Variants in PDE4D observed in about 807,000 individuals in gnomAD.
PDE4D encodes phosphodiesterase 4D.
PDE4D carries 24 observed loss-of-function variants against 87.4 expected under a neutral mutation model. The observed-to-expected ratio is 0.27, with a 90% CI of 0.20 to 0.39. The LOEUF (loss-of-function observed/expected upper bound fraction) is 0.39. Among genes scored for constraint, PDE4D ranks in the 10% least tolerant of loss-of-function variants. The pLI is 1.00. For missense variants in PDE4D, 714 were observed against 1,041.0 expected, an observed-to-expected ratio of 0.69 and a Z score of 4.32; for synonymous variants, 384 against 383.2, an observed-to-expected ratio of 1.00 and a Z score of -0.02.
chr5:59,813,477 C>A (rs1768603359), intron 1 of PDE4D, among the ~76,000 whole-genome samples: 1 of 141,394 alleles, frequency 7.1e-6, no homozygotes. Context: ...CACACACACA[C>A]ACACATATGC....
intron 1 of PDE4D, among the ~76,000 whole-genome samples, chr5:59,583,916 C>T (rs921588787): frequency 6.6e-6 from 1 of 152,236 alleles, no homozygotes; most frequent in East Asian, 1.9e-4. Context: ...CAGAGCCTTT[C>T]TAGAGATGAG....
At chr5:59,275,974 C>T in intron 1 of PDE4D, 2 of 985,132 alleles carry the variant, frequency 2.0e-6, no homozygotes, top group Non-Finnish European at 2.4e-6. Context: ...GATTTACCTG[C>T]GAAAGTAATT....
chr5:60,045,776 T>C (rs1582349189), intron 2 of PDE4D, among the ~76,000 whole-genome samples: 1 of 152,224 alleles, frequency 6.6e-6, no homozygotes, highest in Non-Finnish European at 1.5e-5. Context: ...CCTTGTAGTA[T>C]AGTTTGAAGT....
intron 2 of PDE4D, among the ~76,000 whole-genome samples, chr5:60,106,071 TA>T (rs1776872495): frequency 6.6e-6 from 1 of 152,010 alleles, no homozygotes; most frequent in Non-Finnish European, 1.5e-5. Context: ...GCAAATTGGA[TA>T]AAGGGTCAAG....
chr5:60,305,294 AT>A (rs1754390232), intron 1 of PDE4D, among the ~76,000 whole-genome samples: 1 of 152,060 alleles, frequency 6.6e-6, no homozygotes, highest in African/African-American at 2.4e-5. Context: ...GGGAGAGAGA[AT>A]TTTTTTAAAG....
chr5:59,168,487 A>G (rs1194234306), intron 5 of PDE4D, among the ~76,000 whole-genome samples: 1 of 152,166 alleles, frequency 6.6e-6, no homozygotes, highest in Non-Finnish European at 1.5e-5. Context: ...GTGGGAATTG[A>G]AGAATCCTAT....
intron 1 of PDE4D, among the ~76,000 whole-genome samples, chr5:60,456,122 C>T (rs1583824705): frequency 6.6e-6 from 1 of 152,158 alleles, no homozygotes; most frequent in African/African-American, 2.4e-5. Flanking sequence ...TACAGTTCAC[C>T]TTCGGGAGAT....
intron 1 of PDE4D, among the ~76,000 whole-genome samples, chr5:60,307,238 A>G (rs79918509): frequency 0.033 from 5,054 of 152,322 alleles, 126 homozygotes; most frequent in Middle Eastern, 0.085. Context: ...TCTTTTTCTT[A>G]AAAGATAAAA....
rs1742180812 is a variant in PDE4D at position 58,969,157 on chromosome 5, G to C, written c.*5507C>G. 1 of 152,264 alleles carries C rather than the reference G, an allele frequency of 6.6e-6. No homozygotes were observed. The allele number at this position is 152,264 out of a possible 1,614,324, so 9.4% of individuals were successfully genotyped here. Reference sequence around the variant, plus strand: ...CATATTAAGAACCTACTGTGTACCAGGCATAGTTTTAAGTGCTAGTGATAT... The same window carrying C: ...CATATTAAGAACCTACTGTGTACCACGCATAGTTTTAAGTGCTAGTGATAT... On this transcript the variant is annotated 3_prime_UTR_variant, in exon 15 of 15. Coordinates refer to ENST00000340635, the MANE Select transcript of PDE4D (RefSeq NM_001104631.2).
intron 2 of PDE4D, chr5:60,022,654 A>C (rs1188313674): frequency 2.0e-5 from 3 of 152,186 alleles, no homozygotes; most frequent in Non-Finnish European, 1.5e-5. Flanking sequence ...CAGGCTCCAG[A>C]TACAGCTGCG....
chr5:60,054,161 T>C (rs1418526313), intron 2 of PDE4D, among the ~76,000 whole-genome samples: 1 of 152,142 alleles, frequency 6.6e-6, no homozygotes. Flanking sequence ...GATACACCAT[T>C]TGACCCAGCA....
chr5:59,933,825 C>T (rs1236669241), intron 3 of PDE4D, among the ~76,000 whole-genome samples: 3 of 149,402 alleles, frequency 2.0e-5, no homozygotes, highest in Non-Finnish European at 2.9e-5. Context: ...AATAATTTTG[C>T]GCATTTTATG....
chr5:60,423,832 G>A (rs932866091), intron 1 of PDE4D, among the ~76,000 whole-genome samples: 25 of 152,042 alleles, frequency 1.6e-4, no homozygotes, highest in Non-Finnish European at 2.6e-4. Flanking sequence ...TCAAATAGAT[G>A]CAATAAAAAA....
At chr5:59,149,644 C>A (rs72764078) in intron 5 of PDE4D, among the ~76,000 whole-genome samples, 18,576 of 147,998 alleles carry the variant, frequency 0.13, 1,328 homozygotes, top group Middle Eastern at 0.17. Context: ...GGCTGGTTCT[C>A]CGTGGTTATA....
At chr5:59,565,473 T>C (rs1357521446) in intron 1 of PDE4D, among the ~76,000 whole-genome samples, 2 of 152,196 alleles carry the variant, frequency 1.3e-5, no homozygotes, top group Admixed American at 6.5e-5. Context: ...GAGCCATAAC[T>C]GCACCACTGT....
rs561086962 is a variant in PDE4D at position 59,975,112 on chromosome 5, T to C, written c.272+13376A>G. Among the ~76,000 whole-genome samples the C allele has an allele frequency of 2.6e-5, 4 of 152,330 alleles. No homozygotes were observed. In the Middle Eastern group the frequency reaches 0.014, roughly 518 times the overall value. On this transcript the variant is annotated intron_variant, in intron 3 of 16. Coordinates refer to the PDE4D transcript ENST00000502484. ...ACTTCTCGTTTGACATCTATGCCAA[T>C]CAACTCTACTTCCTTGTCTCTGACT...
At chr5:59,431,711 C>G (rs1351502393) in intron 1 of PDE4D, among the ~76,000 whole-genome samples, 2 of 151,928 alleles carry the variant, frequency 1.3e-5, no homozygotes, top group Non-Finnish European at 2.9e-5. Flanking sequence ...GTTTGTTGTA[C>G]AGATTATTTC....
At chr5:59,781,566 T>C (rs1764626249) in intron 1 of PDE4D, among the ~76,000 whole-genome samples, 1 of 151,902 alleles carries the variant, frequency 6.6e-6, no homozygotes, top group Non-Finnish European at 1.5e-5. Flanking sequence ...GGCAGGTGGA[T>C]TACGAGGTCA....
At chr5:60,204,663 T>C (rs1268990117) in intron 1 of PDE4D, among the ~76,000 whole-genome samples, 1 of 148,692 alleles carries the variant, frequency 6.7e-6, no homozygotes, top group East Asian at 1.9e-4. Flanking sequence ...TCCTTATCTC[T>C]CTAGCTCAAA....
Sources: allele counts gnomAD v4.1 joint callset (sites outside exome capture counted in the v4.1 genomes callset), GRCh38; gene constraint gnomAD v4.1.1; transcripts MANE v1.5; gene names NCBI Gene and HGNC (gene_info 2026-07-23, HGNC 2026-07-21).